The following ENTREP2 variants were observed in gnomAD, a reference collection of about 807,000 sequenced individuals.
The protein encoded by ENTREP2 is protein ENTREP2.
chr15:29,462,316 A>C, the ENTREP2 span, among the ~76,000 whole-genome samples: 1 of 152,020 alleles, frequency 6.6e-6, no homozygotes, highest in African/African-American at 2.4e-5. Context: ...TTTTTTGAGG[A>C]ACCACTACTC....
the ENTREP2 span, among the ~76,000 whole-genome samples, chr15:29,300,742 G>T: frequency 6.6e-6 from 1 of 152,060 alleles, no homozygotes; most frequent in African/African-American, 2.4e-5. Context: ...GGGACTACAG[G>T]CACCTGCCAC....
chr15:29,547,999 C>T, the ENTREP2 span, among the ~76,000 whole-genome samples: 1 of 152,060 alleles, frequency 6.6e-6, no homozygotes, highest in Non-Finnish European at 1.5e-5. Context: ...TGTATGATTC[C>T]ACTTCTATGA....
chr15:29,194,998 C>T, the ENTREP2 span: 1 of 422,654 alleles, frequency 2.4e-6, no homozygotes, highest in Non-Finnish European at 3.2e-6. Context: ...TGCCCGTGTC[C>T]CCTCCCAGGA....
chr15:29,552,602 T>C, the ENTREP2 span, among the ~76,000 whole-genome samples: 27 of 151,158 alleles, frequency 1.8e-4, no homozygotes, highest in Non-Finnish European at 1.6e-4. Flanking sequence ...ACGAGGAAAA[T>C]TGGCAACAGA....
the ENTREP2 span, among the ~76,000 whole-genome samples, chr15:29,130,207 C>T: frequency 3.3e-5 from 5 of 152,154 alleles, no homozygotes; most frequent in African/African-American, 1.2e-4. Context: ...TGCCCAAGTG[C>T]GTCCTTTGAT....
At chr15:29,147,952 T>C in the ENTREP2 span, among the ~76,000 whole-genome samples, 1 of 152,312 alleles carries the variant, frequency 6.6e-6, no homozygotes, top group East Asian at 1.9e-4. Context: ...GGATATACTG[T>C]TGAGCCGTAA....
the ENTREP2 span, among the ~76,000 whole-genome samples, chr15:29,161,347 T>C: frequency 6.6e-6 from 1 of 152,200 alleles, no homozygotes; most frequent in Non-Finnish European, 1.5e-5. Flanking sequence ...GCATCCGTGG[T>C]GGGCCCTTAG....
chr15:29,183,214 C>T, the ENTREP2 span, among the ~76,000 whole-genome samples: 1 of 152,118 alleles, frequency 6.6e-6, no homozygotes, highest in Non-Finnish European at 1.5e-5. Context: ...AAAGGGAAAT[C>T]GTTTAGAGTA....
the ENTREP2 span, among the ~76,000 whole-genome samples, chr15:29,639,055 A>G: frequency 1.3e-5 from 2 of 152,208 alleles, no homozygotes; most frequent in African/African-American, 2.4e-5. Flanking sequence ...TTGGGATGCT[A>G]AAGTGATTTG....
the ENTREP2 span, among the ~76,000 whole-genome samples, chr15:29,257,304 C>G: frequency 4.1e-4 from 62 of 152,098 alleles, no homozygotes; most frequent in African/African-American, 1.5e-3. Flanking sequence ...AACACCTGAC[C>G]TCAGGTGGTC....
the ENTREP2 span, chr15:29,234,842 T>C: frequency 7.1e-7 from 1 of 1,408,028 alleles, no homozygotes; most frequent in African/African-American, 1.4e-5. Context: ...GAACTTTGCA[T>C]TAGATATGTT....
At chr15:29,203,555 T>C in the ENTREP2 span, among the ~76,000 whole-genome samples, 1 of 152,224 alleles carries the variant, frequency 6.6e-6, no homozygotes, top group South Asian at 2.1e-4. Context: ...TCAGTGATGA[T>C]GAGCTTTTTT....
chr15:29,369,818 A>G, the ENTREP2 span, among the ~76,000 whole-genome samples: 4 of 152,384 alleles, frequency 2.6e-5, no homozygotes, highest in East Asian at 3.9e-4. Flanking sequence ...AAGTTGGATT[A>G]ATGTCTTTCT....
At chr15:29,208,268 C>A in the ENTREP2 span, among the ~76,000 whole-genome samples, 1 of 151,684 alleles carries the variant, frequency 6.6e-6, no homozygotes, top group African/African-American at 2.4e-5. Context: ...TACTTGCCAT[C>A]CCTGTCCTAC....
the ENTREP2 span, among the ~76,000 whole-genome samples, chr15:29,582,803 C>CTGT: frequency 5.3e-5 from 8 of 152,092 alleles, no homozygotes; most frequent in African/African-American, 1.9e-4. Flanking sequence ...AGGCAGGCGC[C>CTGT]ACCACGCCTG....
chr15:29,366,538 A>AG, the ENTREP2 span, among the ~76,000 whole-genome samples: 1 of 152,214 alleles, frequency 6.6e-6, no homozygotes, highest in African/African-American at 2.4e-5. Context: ...ATTAAACTAC[A>AG]GAACATTCCA....
At chr15:29,519,295 C>T in the ENTREP2 span, among the ~76,000 whole-genome samples, 178 of 151,946 alleles carry the variant, frequency 1.2e-3, no homozygotes, top group South Asian at 2.1e-3. Flanking sequence ...TTGAACTGGG[C>T]GAGTCCACTT....
chr15:29,322,384 T>C, the ENTREP2 span, among the ~76,000 whole-genome samples: 1 of 152,206 alleles, frequency 6.6e-6, no homozygotes, highest in African/African-American at 2.4e-5. Flanking sequence ...ATCCCTTTTA[T>C]CTAAGATAAA....
At chr15:29,331,877 C>G in the ENTREP2 span, among the ~76,000 whole-genome samples, 1 of 152,230 alleles carries the variant, frequency 6.6e-6, no homozygotes, top group Admixed American at 6.5e-5. Flanking sequence ...ACCTGCAGCA[C>G]TGATTCACCA....
Sources: allele counts gnomAD v4.1 joint callset (sites outside exome capture counted in the v4.1 genomes callset), GRCh38; gene constraint gnomAD v4.1.1; transcripts MANE v1.5; gene names NCBI Gene and HGNC (gene_info 2026-07-23, HGNC 2026-07-21).